Variants in PDE1A observed in about 807,000 individuals in gnomAD.
PDE1A encodes dual specificity calcium/calmodulin-dependent 3',5'-cyclic nucleotide phosphodiesterase 1A.
A neutral mutation model predicts 61.7 loss-of-function variants in PDE1A; 35 were observed. The ratio of observed to expected loss-of-function variants is 0.57; its 90% CI spans 0.43 to 0.75. The LOEUF (loss-of-function observed/expected upper bound fraction) is 0.75, where lower values mean the gene tolerates loss of function less well. Among genes scored for constraint, PDE1A ranks in the 30% least tolerant of loss-of-function variants. The probability of loss-of-function intolerance (pLI) is 0.00; values close to 1 mark genes in which losing one functional copy is unlikely to be tolerated. For synonymous variants in PDE1A, 232 were observed against 213.2 expected, an observed-to-expected ratio of 1.09 and a Z score of -0.77; for missense variants, 597 against 630.6, an observed-to-expected ratio of 0.95 and a Z score of 0.57.
the PDE1A span, among the ~76,000 whole-genome samples, chr2:182,603,340 TTTTTTG>T: frequency 1.4e-3 from 214 of 152,220 alleles, 1 homozygote; most frequent in African/African-American, 4.1e-3. Context: ...AAGTTTTTTG[TTTTTTG>T]TTTTTGTTTT....
At chr2:182,299,630 C>T (rs755914139) in intron 1 of PDE1A, among the ~76,000 whole-genome samples, 8 of 151,696 alleles carry the variant, frequency 5.3e-5, no homozygotes, top group African/African-American at 1.7e-4. Flanking sequence ...ACAACAGCTC[C>T]GTTTACAGTT....
chr2:182,536,316 C>T, the PDE1A span, among the ~76,000 whole-genome samples: 3 of 152,134 alleles, frequency 2.0e-5, no homozygotes, highest in Non-Finnish European at 4.4e-5. Context: ...ATATTCTATC[C>T]TCTTATTGTG....
chr2:182,646,391 CAAAAAAAA>C, the PDE1A span, among the ~76,000 whole-genome samples: 1 of 107,292 alleles, frequency 9.3e-6, no homozygotes, highest in Non-Finnish European at 1.9e-5. Flanking sequence ...GGTGAAGGTT[CAAAAAAAA>C]AAAAAAAAAG....
the PDE1A span, among the ~76,000 whole-genome samples, chr2:182,683,186 A>C: frequency 2.7e-5 from 4 of 146,758 alleles, 1 homozygote; most frequent in African/African-American, 7.6e-5. Context: ...TCCGCCCCCC[A>C]GGTTCAAGCG....
intron 7 of PDE1A, among the ~76,000 whole-genome samples, chr2:182,206,629 A>G (rs929441734): frequency 6.6e-6 from 1 of 152,232 alleles, no homozygotes; most frequent in Non-Finnish European, 1.5e-5. Context: ...CCTTCTTCAA[A>G]ATGTTATGTA....
At chr2:182,461,128 A>C (rs1686258079) in intron 2 of PDE1A, among the ~76,000 whole-genome samples, 1 of 152,140 alleles carries the variant, frequency 6.6e-6, no homozygotes, top group African/African-American at 2.4e-5. Context: ...TTTCTCATGA[A>C]GTGTTTGTGA....
At chr2:182,690,296 T>C in the PDE1A span, among the ~76,000 whole-genome samples, 58 of 151,998 alleles carry the variant, frequency 3.8e-4, no homozygotes, top group Non-Finnish European at 1.2e-4. Flanking sequence ...TACTGGCAAA[T>C]GGAATCCAGC....
chr2:182,379,454 T>C (rs958018605), intron 1 of PDE1A, among the ~76,000 whole-genome samples: 1 of 152,214 alleles, frequency 6.6e-6, no homozygotes, highest in African/African-American at 2.4e-5. Flanking sequence ...ATCTTTTTTC[T>C]TCAAACTCAG....
chr2:182,465,464 T>G (rs536142087), intron 2 of PDE1A, among the ~76,000 whole-genome samples: 1 of 152,180 alleles, frequency 6.6e-6, no homozygotes, highest in South Asian at 2.1e-4. Context: ...TACATTCAAT[T>G]AAGAGTTGTA....
intron 1 of PDE1A, among the ~76,000 whole-genome samples, chr2:182,418,505 A>G (rs1167432585): frequency 6.6e-6 from 1 of 152,142 alleles, no homozygotes; most frequent in Non-Finnish European, 1.5e-5. Flanking sequence ...TCCTGTCCTC[A>G]CTGGTCACTT....
the PDE1A span, among the ~76,000 whole-genome samples, chr2:182,589,975 T>A: frequency 2.6e-5 from 4 of 152,322 alleles, no homozygotes; most frequent in South Asian, 2.1e-4. Context: ...CATTTGAAAT[T>A]TCTACAACTA....
chr2:182,427,737 G>A (rs373959379), upstream of PDE1A, among the ~76,000 whole-genome samples: 25 of 152,268 alleles, frequency 1.6e-4, 1 homozygote, highest in East Asian at 2.1e-3. Flanking sequence ...GGGAATGCTC[G>A]TATTTTAATG....
the PDE1A span, among the ~76,000 whole-genome samples, chr2:182,570,945 A>G: frequency 6.6e-6 from 1 of 152,216 alleles, no homozygotes; most frequent in Admixed American, 6.5e-5. Context: ...AATGAGACTA[A>G]TAATTGTACC....
intron 1 of PDE1A, among the ~76,000 whole-genome samples, chr2:182,384,151 C>T (rs186685475): frequency 4.3e-4 from 65 of 152,332 alleles, no homozygotes; most frequent in African/African-American, 1.4e-3. Context: ...CATCCCAGTG[C>T]CATGCCTGCC....
the PDE1A span, among the ~76,000 whole-genome samples, chr2:182,564,354 C>G: frequency 6.6e-6 from 1 of 152,162 alleles, no homozygotes; most frequent in East Asian, 1.9e-4. Context: ...GTTGAAAATT[C>G]TTTTCTTTAA....
At chr2:182,263,935 A>G (rs897282687) in intron 2 of PDE1A, among the ~76,000 whole-genome samples, 2 of 152,168 alleles carry the variant, frequency 1.3e-5, no homozygotes, top group African/African-American at 4.8e-5. Flanking sequence ...GGACTCTGAC[A>G]TTTGAGATAA....
chr2:182,610,384 G>A, the PDE1A span, among the ~76,000 whole-genome samples: 2 of 152,014 alleles, frequency 1.3e-5, no homozygotes, highest in East Asian at 3.9e-4. Context: ...ACTATCAGAG[G>A]GCAAAGGGAA....
At chr2:182,473,966 T>C (rs1687198643) in intron 2 of PDE1A, among the ~76,000 whole-genome samples, 3 of 152,176 alleles carry the variant, frequency 2.0e-5, no homozygotes, top group Admixed American at 2.0e-4. Context: ...CATGTATCTC[T>C]ATAGTAGAAT....
intron 1 of PDE1A, among the ~76,000 whole-genome samples, chr2:182,336,671 G>A (rs1288006507): frequency 6.6e-6 from 1 of 152,098 alleles, no homozygotes; most frequent in African/African-American, 2.4e-5. Context: ...TAATGTAGAT[G>A]ATGGGTTGAT....
Sources: gnomAD v4.1 joint callset for allele counts (sites outside exome capture counted in the v4.1 genomes callset) on GRCh38, gnomAD v4.1.1 for gene constraint, MANE v1.5 for transcripts, NCBI Gene and HGNC (gene_info 2026-07-23, HGNC 2026-07-21) for gene names.